ASXL3: variants seen among roughly 807,000 people sequenced by gnomAD.
ASXL3 encodes the protein ASXL transcriptional regulator 3, also known as putative Polycomb group protein ASXL3.
In ASXL3, 34 loss-of-function variants were observed where a neutral mutation model predicts 170.6. The observed-to-expected ratio is 0.20, with a 90% confidence interval of 0.15 to 0.27. The LOEUF (loss-of-function observed/expected upper bound fraction) is 0.27. Among genes scored for constraint, ASXL3 ranks in the 10% least tolerant of loss-of-function variants. The probability of loss-of-function intolerance (pLI) is 1.00; values close to 1 mark genes in which losing one functional copy is unlikely to be tolerated. For synonymous variants in ASXL3, 1,002 were observed against 989.1 expected (o/e 1.01, Z -0.24); for missense variants, 2,592 against 2,695.3 (o/e 0.96, Z 0.85).
intron 10 of ASXL3, among the ~76,000 whole-genome samples, chr18:33,736,776 CT>C (rs1255455799): frequency 6.6e-6 from 1 of 152,114 alleles, no homozygotes; most frequent in Non-Finnish European, 1.5e-5. Context: ...CAGGGTTTTC[CT>C]TTGCGTAGTA....
chr18:33,661,245 T>C lies in ASXL3; in HGVS notation c.356-371T>C, dbSNP rs531506241. On this transcript the variant is annotated intron_variant, in intron 4 of 11. Transcript: ENST00000269197. ...CAATTGCATTAATTTATATTGTTTT[T>C]TTTTGTTTGTTTTTAGAATACTATG... Among the ~76,000 whole-genome samples the C allele has an allele frequency of 2.0e-5, 3 of 152,102 alleles. No homozygotes were observed. In the South Asian group the frequency reaches 6.2e-4, roughly 32 times the overall value.
chr18:33,659,805 TA>T (rs1217162403), intron 4 of ASXL3, among the ~76,000 whole-genome samples: 2 of 152,078 alleles, frequency 1.3e-5, no homozygotes, highest in Non-Finnish European at 2.9e-5. Flanking sequence ...AAAATCATAT[TA>T]AGTAAAAAAA....
intron 8 of ASXL3, among the ~76,000 whole-genome samples, chr18:33,727,248 G>A (rs998553334): frequency 6.6e-6 from 1 of 152,064 alleles, no homozygotes; most frequent in East Asian, 1.9e-4. Context: ...CTCATACCAT[G>A]CAGTTAGAAT....
intron 2 of ASXL3, among the ~76,000 whole-genome samples, chr18:33,642,016 TTCTA>T (rs1459502251): frequency 6.6e-6 from 1 of 152,016 alleles, no homozygotes; most frequent in East Asian, 1.9e-4. Context: ...AGGCAATCAA[TTCTA>T]TCTAAGAGTA....
At chr18:33,595,874 G>T (rs2065121836) in intron 1 of ASXL3, among the ~76,000 whole-genome samples, 1 of 152,198 alleles carries the variant, frequency 6.6e-6, no homozygotes, top group Non-Finnish European at 1.5e-5. Flanking sequence ...TTCAGGAGTT[G>T]TTTCTTCCTG....
intron 8 of ASXL3, among the ~76,000 whole-genome samples, chr18:33,695,005 G>A (rs1042638471): frequency 3.3e-5 from 5 of 152,062 alleles, no homozygotes; most frequent in South Asian, 2.1e-4. Flanking sequence ...ATGCAAATGC[G>A]AAAGGGCTTT....
intron 4 of ASXL3, among the ~76,000 whole-genome samples, chr18:33,654,440 T>G (rs2145217643): frequency 6.6e-6 from 1 of 152,230 alleles, no homozygotes; most frequent in East Asian, 1.9e-4. Flanking sequence ...TGTATAAGCA[T>G]TTCTCAAACT....
At chr18:33,669,634 A>G (rs978276187) in intron 5 of ASXL3, among the ~76,000 whole-genome samples, 1 of 152,206 alleles carries the variant, frequency 6.6e-6, no homozygotes, top group Non-Finnish European at 1.5e-5. Flanking sequence ...TTTTGATAGC[A>G]AGGGGAAATA....
intron 5 of ASXL3, among the ~76,000 whole-genome samples, chr18:33,662,323 G>A (rs2066187312): frequency 2.0e-5 from 3 of 152,132 alleles, no homozygotes; most frequent in South Asian, 2.1e-4. Context: ...CTCTGGGCAC[G>A]GACATGCCCT....
intron 2 of ASXL3, among the ~76,000 whole-genome samples, chr18:33,617,698 C>G (rs1363140735): frequency 1.3e-5 from 2 of 152,100 alleles, no homozygotes; most frequent in Non-Finnish European, 2.9e-5. Context: ...TTTCTCCATT[C>G]TTCCAAATAA....
intron 8 of ASXL3, among the ~76,000 whole-genome samples, chr18:33,685,638 A>G (rs189706019): frequency 6.0e-4 from 91 of 152,318 alleles, no homozygotes; most frequent in African/African-American, 1.9e-3. Flanking sequence ...AAAGAGATTT[A>G]TTTGGCTCAT....
At position 33,744,552 on chromosome 18, in the gene ASXL3, A is replaced by G; in HGVS notation, c.4704A>G (p.Lys1568=). 6.2e-7 allele frequency: 1 copy of G among 1,611,866 alleles called. No individual in the cohort carries two copies. Among genetic ancestry groups the G allele is most frequent in the Non-Finnish European group, 8.5e-7 (1 of 1,179,382 alleles). Residue 1568 remains lysine (K), a synonymous_variant, in exon 12 of 12, where the codon AAA becomes AAG. Coordinates refer to ENST00000269197, the MANE Select transcript of ASXL3 (RefSeq NM_030632.3). The part of the protein sequence containing the change: ...SLRELPLVPD[K]LNEPTAPSHN... ...GAGAATTACCCCTTGTTCCAGATAAATTAAATGAGCCGACTGCTCCCAGTC... is the reference window on the plus strand; with the variant it reads ...GAGAATTACCCCTTGTTCCAGATAAGTTAAATGAGCCGACTGCTCCCAGTC...
At chr18:33,701,277 C>A (rs1269177880) in intron 8 of ASXL3, among the ~76,000 whole-genome samples, 2 of 151,726 alleles carry the variant, frequency 1.3e-5, no homozygotes, top group Non-Finnish European at 2.9e-5. Flanking sequence ...TATTCTGGGT[C>A]CCTGAATTTC....
Position 33,683,439 on chromosome 18 carries a change from C to T in ASXL3, c.750C>T (p.Asp250=), listed in dbSNP as rs756704379. The T allele has an allele frequency of 9.3e-6, 15 of 1,613,258 alleles. No homozygotes were observed. The African/African-American group carries it at 9.3e-5, about 10-fold the overall frequency. Residue 250 remains aspartate (D), a synonymous_variant, in exon 8 of 12, where the codon GAC becomes GAT. Coordinates refer to ENST00000269197, the MANE Select transcript of ASXL3 (RefSeq NM_030632.3). ...AATGGACCAAAGCTGAGGACATTGA[C>T]ATAGAAACCCCAGGATCTATTCTTG... ...HLKWTKAEDI[D]IETPGSILVN...
At chr18:33,660,548 A>G (rs2066156032) in intron 4 of ASXL3, among the ~76,000 whole-genome samples, 1 of 152,126 alleles carries the variant, frequency 6.6e-6, no homozygotes, top group Admixed American at 6.6e-5. Context: ...AGTTTTCTTG[A>G]ATTAGCATTA....
rs576392977 is a variant in ASXL3 at position 33,637,008 on chromosome 18, C to A, written c.138-7886C>A. On this transcript the variant is annotated intron_variant, in intron 2 of 11. Coordinates refer to ENST00000269197, the MANE Select transcript of ASXL3 (RefSeq NM_030632.3). ...TAGTATTTTTAAGTACATAGAGATA[C>A]GTTTGTGAATTTTCAATGCTATTTA... Among the ~76,000 whole-genome samples, 7 of 152,076 alleles carry A rather than the reference C, an allele frequency of 4.6e-5. No individual in the cohort carries two copies. The East Asian group carries it at 5.8e-4, about 13-fold the overall frequency.
intron 2 of ASXL3, among the ~76,000 whole-genome samples, chr18:33,615,493 T>C (rs1207365265): frequency 6.6e-6 from 1 of 152,178 alleles, no homozygotes; most frequent in Non-Finnish European, 1.5e-5. Context: ...TATTGTGAAT[T>C]ACCAAACTAT....
At chr18:33,596,200 A>G (rs1446629413) in intron 1 of ASXL3, among the ~76,000 whole-genome samples, 1 of 152,204 alleles carries the variant, frequency 6.6e-6, no homozygotes. Flanking sequence ...TTTTGAATGA[A>G]TATGAAAGAA....
At chr18:33,675,926 G>GA (rs1230359993) in intron 7 of ASXL3, among the ~76,000 whole-genome samples, 2 of 151,530 alleles carry the variant, frequency 1.3e-5, no homozygotes, top group East Asian at 3.9e-4. Context: ...GAAAATAAAA[G>GA]AAAAAAATTC....
Sources: gnomAD v4.1 joint callset for allele counts (sites outside exome capture counted in the v4.1 genomes callset) on GRCh38, gnomAD v4.1.1 for gene constraint, MANE v1.5 for transcripts, NCBI Gene and HGNC (gene_info 2026-07-23, HGNC 2026-07-21) for gene names.